DLG2: variants seen among roughly 807,000 people sequenced by gnomAD.
DLG2 encodes the protein disks large homolog 2.
DLG2 carries 45 observed loss-of-function variants against 132.5 expected under a neutral mutation model. The observed-to-expected ratio is 0.34, with a 90% CI of 0.27 to 0.44. DLG2 has a LOEUF of 0.44. DLG2 is among the 20% of genes least tolerant of loss of function. The probability of loss-of-function intolerance (pLI) is 1.00; values close to 1 mark genes in which losing one functional copy is unlikely to be tolerated. For synonymous variants in DLG2, 424 were observed against 419.6 expected (o/e 1.01, Z -0.13); for missense variants, 1,045 against 1,196.9 (o/e 0.87, Z 1.87).
intron 12 of DLG2, among the ~76,000 whole-genome samples, chr11:83,971,478 T>A (rs1249934748): frequency 1.3e-5 from 2 of 152,052 alleles, no homozygotes; most frequent in Non-Finnish European, 2.9e-5. Context: ...TAAGCAAACA[T>A]AAATGTAATA....
At chr11:83,787,264 A>G (rs950325498) in intron 17 of DLG2, among the ~76,000 whole-genome samples, 2 of 150,130 alleles carry the variant, frequency 1.3e-5, no homozygotes, top group Admixed American at 6.6e-5. Context: ...TCTGTGGTCA[A>G]TTGTCTAGCC....
At chr11:85,489,406 C>T (rs1474785497) in intron 3 of DLG2, among the ~76,000 whole-genome samples, 3 of 152,198 alleles carry the variant, frequency 2.0e-5, no homozygotes, top group East Asian at 1.9e-4. Flanking sequence ...CACGCAGATT[C>T]AGAAAACAAA....
At chr11:85,339,213 C>G (rs1207104912) in intron 3 of DLG2, among the ~76,000 whole-genome samples, 2 of 152,152 alleles carry the variant, frequency 1.3e-5, no homozygotes, top group African/African-American at 4.8e-5. Context: ...AACAGATGTA[C>G]AGTACTCCAT....
intron 11 of DLG2, among the ~76,000 whole-genome samples, chr11:84,048,665 C>T (rs1049548869): frequency 4.0e-5 from 6 of 151,754 alleles, no homozygotes; most frequent in South Asian, 2.1e-4. Context: ...ATACAGTAAA[C>T]GGTTGGGTGC....
chr11:84,916,855 T>C (rs1176248848), intron 6 of DLG2, among the ~76,000 whole-genome samples: 2 of 152,228 alleles, frequency 1.3e-5, no homozygotes, highest in Admixed American at 1.3e-4. Flanking sequence ...GGCAGGCTTC[T>C]AGCTCAGGGC....
intron 4 of DLG2, among the ~76,000 whole-genome samples, chr11:85,238,850 C>T (rs923210832): frequency 1.3e-5 from 2 of 150,016 alleles, no homozygotes; most frequent in African/African-American, 4.9e-5. Flanking sequence ...TTTTTTTTAA[C>T]AATCATCCTT....
At chr11:83,542,601 C>T (rs181772119) in intron 19 of DLG2, among the ~76,000 whole-genome samples, 4 of 152,300 alleles carry the variant, frequency 2.6e-5, no homozygotes, top group African/African-American at 9.6e-5. Context: ...CTGTATCATG[C>T]TGCCCCCACT....
intron 19 of DLG2, among the ~76,000 whole-genome samples, chr11:83,600,546 G>C (rs1046801169): frequency 1.3e-5 from 2 of 152,224 alleles, no homozygotes; most frequent in Non-Finnish European, 2.9e-5. Context: ...GACAGGAAGA[G>C]AGAGAGGGTA....
chr11:85,115,964 A>C (rs1003294653), intron 5 of DLG2, among the ~76,000 whole-genome samples: 5 of 151,970 alleles, frequency 3.3e-5, no homozygotes, highest in Non-Finnish European at 7.4e-5. Flanking sequence ...AAGGACCCAG[A>C]TCTGATCCTG....
chr11:83,514,727 T>C (rs1352892161), intron 21 of DLG2, among the ~76,000 whole-genome samples: 1 of 151,930 alleles, frequency 6.6e-6, no homozygotes, highest in African/African-American at 2.4e-5. Flanking sequence ...TTATTGAGAG[T>C]TTTTAGCATG....
At chr11:85,440,970 G>A (rs2091750307) in intron 3 of DLG2, among the ~76,000 whole-genome samples, 1 of 152,170 alleles carries the variant, frequency 6.6e-6, no homozygotes, top group Non-Finnish European at 1.5e-5. Context: ...TGACTCAGCT[G>A]TTTTGATTCA....
At chr11:84,407,274 T>C (rs1191074468) in intron 7 of DLG2, among the ~76,000 whole-genome samples, 1 of 152,100 alleles carries the variant, frequency 6.6e-6, no homozygotes, top group Non-Finnish European at 1.5e-5. Context: ...GCCCCGCCTA[T>C]GAACCCAGGC....
intron 6 of DLG2, among the ~76,000 whole-genome samples, chr11:84,865,599 T>G (rs1420516857): frequency 6.6e-6 from 1 of 152,174 alleles, no homozygotes; most frequent in African/African-American, 2.4e-5. Flanking sequence ...TAACTGCAGA[T>G]TTTTCAAAGG....
chr11:85,440,547 C>T (rs753693139), intron 3 of DLG2, among the ~76,000 whole-genome samples: 4 of 152,130 alleles, frequency 2.6e-5, no homozygotes, highest in Non-Finnish European at 5.9e-5. Context: ...AAGCTTTGCA[C>T]CAAAGTATAC....
At chr11:84,409,309 C>T (rs1465572817) in intron 7 of DLG2, among the ~76,000 whole-genome samples, 3 of 152,142 alleles carry the variant, frequency 2.0e-5, no homozygotes, top group African/African-American at 7.2e-5. Context: ...GTTCTCTCTC[C>T]TCCACAGGAT....
chr11:85,469,878 C>T (rs1040544194), intron 3 of DLG2, among the ~76,000 whole-genome samples: 2 of 152,130 alleles, frequency 1.3e-5, no homozygotes, highest in Admixed American at 1.3e-4. Context: ...GTAAATATGA[C>T]CCACCTAAAT....
At chr11:84,357,108 T>C (rs1049376202) in intron 7 of DLG2, among the ~76,000 whole-genome samples, 3 of 152,018 alleles carry the variant, frequency 2.0e-5, no homozygotes, top group Non-Finnish European at 4.4e-5. Flanking sequence ...AGATTTTACC[T>C]GAGACTGAGA....
At chr11:83,858,836 G>A (rs760931669) in intron 16 of DLG2, among the ~76,000 whole-genome samples, 9 of 152,120 alleles carry the variant, frequency 5.9e-5, no homozygotes, top group Non-Finnish European at 1.0e-4. Context: ...TTTTTTGTAA[G>A]CCCAAATTAT....
chr11:83,833,525 G>A (rs2055193763), intron 17 of DLG2, 89 bp downstream of exon 17: 1 of 1,354,766 alleles, frequency 7.4e-7, no homozygotes, highest in Admixed American at 2.2e-5. Flanking sequence ...TTGTAATTAA[G>A]GTGCTTTTGG....
Sources: allele counts gnomAD v4.1 joint callset (sites outside exome capture counted in the v4.1 genomes callset), GRCh38; gene constraint gnomAD v4.1.1; transcripts MANE v1.5; gene names NCBI Gene and HGNC (gene_info 2026-07-23, HGNC 2026-07-21).